Variants in BBOF1 observed in about 807,000 individuals in gnomAD.
BBOF1 encodes the protein basal body orientation factor 1, also known as basal body-orientation factor 1.
Under a neutral mutation model 68.0 loss-of-function variants are expected in BBOF1, and 62 were observed. That is an observed-to-expected ratio of 0.91 (90% CI 0.74 to 1.13). The LOEUF is 1.13. Among genes scored for constraint, BBOF1 ranks in the 50% most tolerant of loss-of-function variants. The pLI is 0.00. For synonymous variants in BBOF1, 208 were observed against 198.8 expected, an observed-to-expected ratio of 1.05 and a Z score of -0.39; for missense variants, 534 against 600.1, an observed-to-expected ratio of 0.89 and a Z score of 1.15.
At position 74,065,013 on chromosome 14, in the gene BBOF1, C is replaced by T; in HGVS notation, c.*314C>T. 1.5e-6 allele frequency: 2 copies of T among 1,376,598 alleles called. No homozygotes were observed. The highest frequency in any genetic ancestry group is 1.2e-5 in the South Asian group (1 of 82,714). 85.3% of individuals were successfully genotyped at this position (1,376,598 alleles called of 1,614,324 possible). On this transcript the variant is annotated 3_prime_UTR_variant, in exon 12 of 12. Coordinates refer to ENST00000394009, the MANE Select transcript of BBOF1 (RefSeq NM_025057.3). ...ATCAGAGACCAGTTTTAAATACCCACCTTCTACCCTATCCTCTACCCCATG... is the reference window on the plus strand; with the variant it reads ...ATCAGAGACCAGTTTTAAATACCCATCTTCTACCCTATCCTCTACCCCATG...
chr14:74,067,294 T>C (rs2139774189), downstream of BBOF1: 1 of 1,448,182 alleles, frequency 6.9e-7, no homozygotes, highest in East Asian at 2.3e-5. Context: ...ACATGATTGT[T>C]CCCACTGGCC....
intron 9 of BBOF1, chr14:74,075,027 A>T (rs780320675): frequency 1.2e-6 from 2 of 1,613,468 alleles, no homozygotes. Flanking sequence ...CCTGTGAGGC[A>T]AAAGAACGAT....
intron 2 of BBOF1, among the ~76,000 whole-genome samples, chr14:74,024,127 G>A (rs889334386): frequency 2.0e-5 from 3 of 152,044 alleles, no homozygotes; most frequent in Admixed American, 1.3e-4. Flanking sequence ...GAAAGGACAG[G>A]TAACTTGCCC....
intron 6 of BBOF1, 43 bp downstream of exon 6, chr14:74,046,173 T>C (rs2059944673): frequency 1.3e-6 from 2 of 1,498,292 alleles, no homozygotes; most frequent in Admixed American, 2.1e-5. Flanking sequence ...TTACCTCTCT[T>C]ACCTCTTTGC....
At chr14:74,074,602 C>A (rs1375029662) in intron 9 of BBOF1, among the ~76,000 whole-genome samples, 13 of 152,124 alleles carry the variant, frequency 8.5e-5, no homozygotes, top group Admixed American at 7.2e-4. Flanking sequence ...TGGTGACCTA[C>A]TGTGGTACAG....
intron 2 of BBOF1, among the ~76,000 whole-genome samples, chr14:74,024,521 A>G (rs1044604450): frequency 1.3e-5 from 2 of 152,112 alleles, no homozygotes; most frequent in Non-Finnish European, 2.9e-5. Context: ...TCTAGAGTGC[A>G]GTGGTATGAT....
chr14:74,057,635 G>T, intron 11 of BBOF1: 1 of 1,329,938 alleles, frequency 7.5e-7, no homozygotes, highest in Admixed American at 2.3e-5. Flanking sequence ...CTTATAAGGA[G>T]ATATGAAATG....
rs72725913 is a variant in BBOF1, at chr14:74,038,190, A to G, written c.496-2375A>G. On this transcript the variant is annotated intron_variant, in intron 4 of 11. Coordinates refer to ENST00000394009, the MANE Select transcript of BBOF1 (RefSeq NM_025057.3). ...AATACAAGATACATAGTAATGTTGA[A>G]TTAATCTTTGCTAAATGCTGAGCGG... Among the ~76,000 whole-genome samples, 432 of 152,348 alleles carry G rather than the reference A, an allele frequency of 2.8e-3. 1 individual carries two copies. Among genetic ancestry groups the G allele is most frequent in the Admixed American group, 4.8e-3 (73 of 15,290 alleles).
Position 74,065,037 on chromosome 14 carries a change from TG to T in BBOF1, c.*339del. On this transcript the variant is annotated 3_prime_UTR_variant, in exon 12 of 12. Coordinates refer to ENST00000394009, the MANE Select transcript of BBOF1 (RefSeq NM_025057.3). Reference sequence around the variant, plus strand: ...ACCTTCTACCCTATCCTCTACCCCATGAACTTTCATTCCTGAGGAAGAAATG... The same window carrying T: ...ACCTTCTACCCTATCCTCTACCCCATAACTTTCATTCCTGAGGAAGAAATG... 3.6e-6 allele frequency: 5 copies of T among 1,373,978 alleles called. No individual in the cohort carries two copies. In the South Asian group the frequency reaches 6.1e-5, roughly 17 times the overall value. The allele number at this position is 1,373,978 out of a possible 1,614,324, so 85.1% of individuals were successfully genotyped here.
chr14:74,082,292 G>A (rs1388350605), intron 12 of BBOF1, among the ~76,000 whole-genome samples: 6 of 151,196 alleles, frequency 4.0e-5, no homozygotes, highest in African/African-American at 1.5e-4. Flanking sequence ...CTTCGTGGCA[G>A]AGAAAAATAA....
At chr14:74,060,343 C>G (rs910309384) in intron 11 of BBOF1, 1 of 344,330 alleles carries the variant, frequency 2.9e-6, no homozygotes, top group Non-Finnish European at 5.6e-6. Flanking sequence ...CCCTTCAAAT[C>G]ATCAGAAAAT....
At chr14:74,067,566 C>A (rs1328953759), downstream of BBOF1, 1 of 1,613,734 alleles carries the variant, frequency 6.2e-7, no homozygotes, top group Non-Finnish European at 8.5e-7. Context: ...TGGTTCTTGG[C>A]TCCCTAAAAA....
intron 9 of BBOF1, chr14:74,072,217 T>G: frequency 6.2e-7 from 1 of 1,614,212 alleles, no homozygotes; most frequent in African/African-American, 1.3e-5. Flanking sequence ...TTTTCTTTAA[T>G]AAGTTGTTGA....
chr14:74,069,190 C>G, downstream of BBOF1: 1 of 446,886 alleles, frequency 2.2e-6, no homozygotes, highest in Non-Finnish European at 4.0e-6. Context: ...CTGCAACCTC[C>G]GCCTCCCAGG....
chr14:74,037,064 C>A (rs2059720780), intron 4 of BBOF1, among the ~76,000 whole-genome samples: 1 of 148,262 alleles, frequency 6.7e-6, no homozygotes, highest in Non-Finnish European at 1.5e-5. Context: ...CCTCTGCCTC[C>A]CAGGTTCAAG....
At chr14:74,062,051 GAAAA>G (rs369414700) in intron 11 of BBOF1, among the ~76,000 whole-genome samples, 101 of 59,604 alleles carry the variant, frequency 1.7e-3, no homozygotes, top group African/African-American at 5.3e-3. Flanking sequence ...TCTCTACTGG[GAAAA>G]AAAAAAAAAA....
rs936180883 is a variant in BBOF1 at position 74,046,051 on chromosome 14, CT to C, written c.577-3del. The stretch of plus-strand genomic sequence containing the variant: ...CATAATTATTTAAGCAGCCCATTTT[CT>C]TTTTTAGCACCGACTAGAACAAGAG... On this transcript the variant is annotated splice_polypyrimidine_tract_variant and splice_region_variant and intron_variant, in intron 5 of 11. Transcript: ENST00000394009. The C allele has an allele frequency of 1.3e-6, 2 of 1,597,414 alleles. No individual in the cohort carries two copies. Among genetic ancestry groups the C allele is most frequent in the African/African-American group, 1.3e-5 (1 of 74,360 alleles).
intron 4 of BBOF1, among the ~76,000 whole-genome samples, chr14:74,034,768 T>C (rs1029877933): frequency 6.6e-6 from 1 of 152,162 alleles, no homozygotes; most frequent in African/African-American, 2.4e-5. Context: ...CATACCTTGG[T>C]TTCCTTATCT....
intron 2 of BBOF1, among the ~76,000 whole-genome samples, chr14:74,024,918 T>A (rs2059391398): frequency 1.3e-5 from 2 of 151,992 alleles, no homozygotes; most frequent in Non-Finnish European, 2.9e-5. Context: ...ATTTCTATCT[T>A]TATTTTATTT....
Sources: allele counts gnomAD v4.1 joint callset (sites outside exome capture counted in the v4.1 genomes callset), GRCh38; gene constraint gnomAD v4.1.1; transcripts MANE v1.5; gene names NCBI Gene and HGNC (gene_info 2026-07-23, HGNC 2026-07-21).